Variants in VAV3 observed in about 807,000 individuals in gnomAD.
The protein encoded by VAV3 is vav guanine nucleotide exchange factor 3.
A neutral mutation model predicts 131.2 loss-of-function variants in VAV3; 94 were observed. The observed-to-expected ratio is 0.72, with a 90% CI of 0.61 to 0.85. The LOEUF (loss-of-function observed/expected upper bound fraction) is 0.85. Ranked by LOEUF, VAV3 falls within the 40% of genes least tolerant of loss-of-function variation. The probability of loss-of-function intolerance (pLI) is 0.00; values close to 1 mark genes in which losing one functional copy is unlikely to be tolerated. For missense variants in VAV3, 939 were observed against 1,002.7 expected, an observed-to-expected ratio of 0.94 and a Z score of 0.86; for synonymous variants, 349 against 342.0, an observed-to-expected ratio of 1.02 and a Z score of -0.22.
At chr1:107,777,131 T>C in intron 4 of VAV3, 100 bp downstream of exon 4, 1 of 1,083,544 alleles carries the variant, frequency 9.2e-7, no homozygotes, top group Non-Finnish European at 1.4e-6. Context: ...TTAAGCCACT[T>C]TTCCTCCTTC....
intron 2 of VAV3, among the ~76,000 whole-genome samples, chr1:107,857,307 A>C (rs1394695242): frequency 6.6e-6 from 1 of 152,162 alleles, no homozygotes; most frequent in Admixed American, 6.5e-5. Context: ...TCAGACTCCA[A>C]GCTTTTCAGC....
chr1:107,728,606 T>TATAC (rs1557798901), intron 15 of VAV3, among the ~76,000 whole-genome samples: 3,776 of 79,120 alleles, frequency 0.048, 177 homozygotes, highest in African/African-American at 0.12. Context: ...TATACGTATA[T>TATAC]GTATATGTAT....
chr1:107,616,758 G>T (rs907588549), intron 21 of VAV3, among the ~76,000 whole-genome samples: 2 of 152,110 alleles, frequency 1.3e-5, no homozygotes, highest in East Asian at 3.9e-4. Flanking sequence ...ACAGTAAAAA[G>T]AATGTCCAGT....
intron 1 of VAV3, among the ~76,000 whole-genome samples, chr1:107,941,568 C>T (rs1485307342): frequency 2.0e-5 from 3 of 152,142 alleles, no homozygotes; most frequent in Non-Finnish European, 2.9e-5. Flanking sequence ...ATTAGAGTTT[C>T]TGTACATTTT....
intron 2 of VAV3, among the ~76,000 whole-genome samples, chr1:107,797,031 C>T (rs552702302): frequency 5.5e-4 from 84 of 152,154 alleles, no homozygotes; most frequent in African/African-American, 1.9e-3. Context: ...AATAAGATAG[C>T]AGTCCTCAAA....
At chr1:107,629,595 A>T (rs1654296858) in intron 20 of VAV3, among the ~76,000 whole-genome samples, 3 of 152,184 alleles carry the variant, frequency 2.0e-5, no homozygotes. Context: ...GCAATTTTAT[A>T]GAGCTTTCAA....
chr1:107,814,169 A>T (rs1027034129), intron 2 of VAV3, among the ~76,000 whole-genome samples: 10 of 152,100 alleles, frequency 6.6e-5, no homozygotes, highest in Admixed American at 5.2e-4. Flanking sequence ...ATAAATACCC[A>T]GTCAGTAGCG....
chr1:107,832,531 T>G (rs1668300182), intron 2 of VAV3, among the ~76,000 whole-genome samples: 1 of 152,220 alleles, frequency 6.6e-6, no homozygotes, highest in Admixed American at 6.5e-5. Context: ...AAATCATCAT[T>G]TTCATTTCTA....
chr1:107,880,091 G>A (rs1670693952), intron 1 of VAV3, among the ~76,000 whole-genome samples: 1 of 152,234 alleles, frequency 6.6e-6, no homozygotes, highest in East Asian at 1.9e-4. Context: ...TAGTGAGACA[G>A]AACATACAGA....
chr1:107,704,149 T>C (rs2101844322), intron 17 of VAV3, among the ~76,000 whole-genome samples: 1 of 152,332 alleles, frequency 6.6e-6, no homozygotes, highest in Admixed American at 6.5e-5. Context: ...CTGAGCTAAA[T>C]ATTTAAAAGA....
chr1:107,876,487 G>A (rs1377309129), intron 1 of VAV3, among the ~76,000 whole-genome samples: 3 of 152,250 alleles, frequency 2.0e-5, no homozygotes, highest in Non-Finnish European at 2.9e-5. Flanking sequence ...AGAGGGGAAA[G>A]CTGGTAACAA....
chr1:107,751,582 C>G lies in VAV3; in HGVS notation c.1174-380G>C, dbSNP rs151038863. On this transcript the variant is annotated intron_variant, in intron 12 of 26. Coordinates refer to ENST00000370056, the MANE Select transcript of VAV3 (RefSeq NM_006113.5). ...ACGGCAAAATGATACAGACACTGCC[C>G]TCATGAAGCACACTGCGCAGTGGAG... 2.0e-5 allele frequency among the ~76,000 whole-genome samples: 3 copies of G among 152,104 alleles called. No individual in the cohort carries two copies. In the East Asian group the frequency reaches 5.8e-4, roughly 29 times the overall value.
intron 15 of VAV3, among the ~76,000 whole-genome samples, chr1:107,738,883 C>G (rs544122972): frequency 1.7e-4 from 26 of 152,288 alleles, no homozygotes; most frequent in Admixed American, 1.7e-3. Context: ...CTACACTACT[C>G]AGACAAGCCG....
At chr1:107,662,783 T>C (rs562151061) in intron 19 of VAV3, among the ~76,000 whole-genome samples, 7 of 152,302 alleles carry the variant, frequency 4.6e-5, no homozygotes, top group Non-Finnish European at 1.0e-4. Context: ...ATATTAGTCA[T>C]ATGAATAAGG....
At chr1:107,717,108 T>C (rs1307003770) in intron 15 of VAV3, among the ~76,000 whole-genome samples, 1 of 152,182 alleles carries the variant, frequency 6.6e-6, no homozygotes, top group Non-Finnish European at 1.5e-5. Context: ...TTTTATTGCA[T>C]CTATTTGATT....
chr1:107,805,866 T>C (rs189179847), intron 2 of VAV3, among the ~76,000 whole-genome samples: 12 of 152,284 alleles, frequency 7.9e-5, no homozygotes, highest in Non-Finnish European at 1.5e-4. Flanking sequence ...CAGCATTAGA[T>C]GGAACCTTAA....
At chr1:107,599,495 A>G (rs1651668545) in intron 24 of VAV3, among the ~76,000 whole-genome samples, 1 of 152,214 alleles carries the variant, frequency 6.6e-6, no homozygotes, top group African/African-American at 2.4e-5. Context: ...TTACCAAGGA[A>G]ACAGGCAATG....
chr1:107,917,909 A>G (rs1672699256), intron 1 of VAV3, among the ~76,000 whole-genome samples: 1 of 152,180 alleles, frequency 6.6e-6, no homozygotes, highest in Admixed American at 6.5e-5. Flanking sequence ...GTATTTTCAG[A>G]TGAGGAATGC....
chr1:107,875,474 C>G (rs189671410), intron 1 of VAV3, among the ~76,000 whole-genome samples: 3 of 152,034 alleles, frequency 2.0e-5, no homozygotes, highest in African/African-American at 7.2e-5. Context: ...CATGGAGAAC[C>G]GTAGCACACA....
Sources: gnomAD v4.1 joint callset for allele counts (sites outside exome capture counted in the v4.1 genomes callset) on GRCh38, gnomAD v4.1.1 for gene constraint, MANE v1.5 for transcripts, NCBI Gene and HGNC (gene_info 2026-07-23, HGNC 2026-07-21) for gene names.